The following TMEM260 variants were observed in gnomAD, a reference collection of about 807,000 sequenced individuals.
TMEM260 encodes the protein protein O-mannosyl-transferase TMEM260.
A neutral mutation model predicts 88.9 loss-of-function variants in TMEM260; 82 were observed. That is an observed-to-expected ratio of 0.92 (90% CI 0.77 to 1.11). The LOEUF is 1.11. Ranked by LOEUF, TMEM260 falls within the 50% of genes least tolerant of loss-of-function variation. The pLI is 0.00. For synonymous variants in TMEM260, 314 were observed against 309.3 expected (o/e 1.02, Z -0.16); for missense variants, 902 against 853.4 (o/e 1.06, Z -0.71).
chr14:56,645,772 A>G (rs936178351), intron 15 of TMEM260, among the ~76,000 whole-genome samples: 1 of 152,234 alleles, frequency 6.6e-6, no homozygotes, highest in African/African-American at 2.4e-5. Flanking sequence ...GCAACATGCT[A>G]CAGCCTTTAC....
At chr14:56,613,481 A>C (rs1261368352) in intron 7 of TMEM260, 1 of 152,236 alleles carries the variant, frequency 6.6e-6, no homozygotes, top group African/African-American at 2.4e-5. Flanking sequence ...CAACATGCAG[A>C]GATAACCACT....
intron 10 of TMEM260, among the ~76,000 whole-genome samples, chr14:56,620,141 G>T (rs1455707902): frequency 6.6e-6 from 1 of 152,208 alleles, no homozygotes; most frequent in Non-Finnish European, 1.5e-5. Context: ...CTACTTGAGA[G>T]TGGAGGCTGG....
At chr14:56,618,424 T>C (rs1163171496) in intron 9 of TMEM260, among the ~76,000 whole-genome samples, 170 bp from the exon 10 acceptor site, 2 of 151,880 alleles carry the variant, frequency 1.3e-5, no homozygotes, top group Non-Finnish European at 2.9e-5. Context: ...TGTTTGAAAA[T>C]AGAAAAATAA....
At chr14:56,632,435 C>T (rs1888681791) in intron 12 of TMEM260, among the ~76,000 whole-genome samples, 1 of 152,146 alleles carries the variant, frequency 6.6e-6, no homozygotes, top group Admixed American at 6.5e-5. Flanking sequence ...GCTGCTGCCT[C>T]CGCTAATGCC....
the TMEM260 span, among the ~76,000 whole-genome samples, chr14:56,660,964 C>G: frequency 6.6e-6 from 1 of 152,202 alleles, no homozygotes; most frequent in African/African-American, 2.4e-5. Flanking sequence ...GGGACAGCAA[C>G]ATGACATATG....
intron 14 of TMEM260, 22 bp from the exon 15 acceptor site, chr14:56,636,486 A>T: frequency 1.2e-6 from 2 of 1,605,212 alleles, no homozygotes; most frequent in Non-Finnish European, 8.5e-7. Flanking sequence ...ATTTTAATGA[A>T]GGTTCCTATC....
At chr14:56,642,081 C>G (rs983996153) in intron 15 of TMEM260, among the ~76,000 whole-genome samples, 3 of 152,298 alleles carry the variant, frequency 2.0e-5, no homozygotes, top group Middle Eastern at 3.4e-3. Context: ...ACCCCACTGT[C>G]AACATTAGAC....
At chr14:56,591,570 G>C (rs537007175) in intron 3 of TMEM260, among the ~76,000 whole-genome samples, 8 of 152,306 alleles carry the variant, frequency 5.3e-5, no homozygotes, top group African/African-American at 1.7e-4. Context: ...TACTCTGATG[G>C]AATATCCTTT....
intron 11 of TMEM260, among the ~76,000 whole-genome samples, chr14:56,624,594 G>A (rs760870223): frequency 4.6e-5 from 7 of 152,074 alleles, no homozygotes; most frequent in African/African-American, 7.2e-5. Flanking sequence ...TTTGAGAACC[G>A]TTCTATGCCA....
At chr14:56,615,747 C>T in intron 7 of TMEM260, 197 bp from the exon 8 acceptor site, 4 of 511,170 alleles carry the variant, frequency 7.8e-6, no homozygotes, top group Non-Finnish European at 7.0e-6. Context: ...CAAATGTTAC[C>T]ATTGGAAAAC....
rs1360141780 is a variant in TMEM260, at chr14:56,649,209, T to C, written c.*1712T>C. The C allele has an allele frequency of 6.6e-6, 1 of 152,664 alleles. No homozygotes were observed. The highest frequency in any genetic ancestry group is 2.4e-5 in the African/African-American group (1 of 41,468). The allele number at this position is 152,664 out of a possible 1,614,324, so 9.5% of individuals were successfully genotyped here. A position where few individuals can be genotyped will look rare whatever the true frequency, so the allele number is the denominator to read the frequency against. ...GCCTTTTGCCCTTTTATCACAGCCT[T>C]ATTAGGCTCCTACTCATCTTGAACC... On this transcript the variant is annotated 3_prime_UTR_variant, in exon 16 of 16. Transcript: ENST00000261556.
chr14:56,638,368 C>T (rs925627095), intron 15 of TMEM260: 8 of 151,928 alleles, frequency 5.3e-5, no homozygotes, highest in African/African-American at 1.9e-4. Context: ...TCTCCTTTCA[C>T]ATAATAATCC....
chr14:56,589,057 T>C (rs1885690720), intron 3 of TMEM260, among the ~76,000 whole-genome samples: 1 of 152,124 alleles, frequency 6.6e-6, no homozygotes. Context: ...AATTATTTTC[T>C]AGGAAATGTC....
At chr14:56,627,717 A>G (rs150763551) in intron 12 of TMEM260, among the ~76,000 whole-genome samples, 10 of 152,374 alleles carry the variant, frequency 6.6e-5, no homozygotes, top group African/African-American at 2.2e-4. Context: ...TACCTCTGAA[A>G]GGAAGCTAGC....
At chr14:56,661,715 A>G in the TMEM260 span, among the ~76,000 whole-genome samples, 1 of 152,296 alleles carries the variant, frequency 6.6e-6, no homozygotes, top group South Asian at 2.1e-4. Flanking sequence ...CCCTCTTGTC[A>G]TAGAGGAATA....
chr14:56,620,819 C>T (rs533049794), intron 10 of TMEM260, among the ~76,000 whole-genome samples: 2 of 152,166 alleles, frequency 1.3e-5, no homozygotes, highest in East Asian at 1.9e-4. Context: ...ACTGTTTTGT[C>T]ATCTTTTTCT....
chr14:56,621,689 T>C lies in TMEM260; in HGVS notation c.1385T>C (p.Leu462Ser). The C allele has an allele frequency of 1.2e-6, 2 of 1,608,782 alleles. No homozygotes were observed. The highest frequency in any genetic ancestry group is 1.7e-6 in the Non-Finnish European group (2 of 1,178,406). The change falls in exon 11 of 16, where the codon TTA (leucine) becomes TCA (serine). Residue 462 changes from leucine to serine, a missense_variant. Coordinates refer to ENST00000261556, the MANE Select transcript of TMEM260 (RefSeq NM_017799.4). ...GAGGGGTTGAGGCCTGACATTTCAT[T>C]AGTGGATCAGGAAGTAAGTATATGA... ...YCEGLRPDIS[L>S]VDQEMMTYEW...
Position 56,579,832 on chromosome 14 carries a change from C to A in TMEM260, c.-83C>A. The A allele has an allele frequency of 1.3e-5, 15 of 1,191,776 alleles. No individual in the cohort carries two copies. The highest frequency in any genetic ancestry group is 1.6e-5 in the Non-Finnish European group (15 of 952,144). 73.8% of individuals were successfully genotyped at this position (1,191,776 alleles called of 1,614,324 possible). A position where few individuals can be genotyped will look rare whatever the true frequency, so the allele number is the denominator to read the frequency against. Reference sequence around the variant, plus strand: ...GCCGCCGTGGCCGCCGCACAAGCTGCGCTCGTCTCTCGGCTGGGGAGCTCC... The same window carrying A: ...GCCGCCGTGGCCGCCGCACAAGCTGAGCTCGTCTCTCGGCTGGGGAGCTCC... On this transcript the variant is annotated 5_prime_UTR_variant, in exon 1 of 16. Transcript: ENST00000261556.
In TMEM260 at chr14:56,580,060, C is replaced by CG. The variant is rs1555332384; in HGVS notation, c.152dup (p.Asp52ArgfsTer11). On this transcript the variant is annotated frameshift_variant, in exon 1 of 16. Transcript: ENST00000261556. LOFTEE classifies it high-confidence loss of function. ...ACCTTCACCCTGCCCCCTTCGGTAC[C>CG]GGGGGGAGACTCCGGTAAAGTACTC... 10 of 1,252,142 alleles carry CG rather than the reference C, an allele frequency of 8.0e-6. No homozygotes were observed. The highest frequency in any genetic ancestry group is 4.0e-5 in the South Asian group (1 of 24,760). The allele number at this position is 1,252,142 out of a possible 1,614,324, so 77.6% of individuals were successfully genotyped here.
Sources: gnomAD v4.1 joint callset for allele counts (sites outside exome capture counted in the v4.1 genomes callset) on GRCh38, gnomAD v4.1.1 for gene constraint, MANE v1.5 for transcripts, NCBI Gene and HGNC (gene_info 2026-07-23, HGNC 2026-07-21) for gene names.